The following CNTN5 variants were observed in gnomAD, a reference collection of about 807,000 sequenced individuals.
CNTN5 encodes the protein contactin 5.
Under a neutral mutation model 129.1 loss-of-function variants are expected in CNTN5, and 77 were observed. The ratio of observed to expected loss-of-function variants is 0.60; its 90% CI spans 0.50 to 0.72. The LOEUF (loss-of-function observed/expected upper bound fraction) is 0.72, where lower values mean the gene tolerates loss of function less well. Among genes scored for constraint, CNTN5 ranks in the 30% least tolerant of loss-of-function variants. The pLI is 0.00. For missense variants in CNTN5, 1,478 were observed against 1,328.8 expected (o/e 1.11, Z -1.75); for synonymous variants, 509 against 465.6 (o/e 1.09, Z -1.20).
chr11:99,119,773 T>A (rs964585356), intron 1 of CNTN5, among the ~76,000 whole-genome samples: 2 of 152,108 alleles, frequency 1.3e-5, no homozygotes, highest in African/African-American at 4.8e-5. Flanking sequence ...TAGCATTATT[T>A]TTCTCCACAA....
intron 1 of CNTN5, among the ~76,000 whole-genome samples, chr11:99,199,832 C>T (rs12795901): frequency 0.14 from 21,887 of 152,106 alleles, 2,010 homozygotes; most frequent in Non-Finnish European, 0.21. Flanking sequence ...GATGTGGATT[C>T]GGGGAGAGGT....
At chr11:99,311,598 C>A (rs570934606) in intron 1 of CNTN5, among the ~76,000 whole-genome samples, 1 of 152,232 alleles carries the variant, frequency 6.6e-6, no homozygotes, top group African/African-American at 2.4e-5. Flanking sequence ...GTTATTAAAC[C>A]AAATGCTCTT....
chr11:99,996,298 T>A (rs1939439967), intron 8 of CNTN5, among the ~76,000 whole-genome samples: 1 of 152,212 alleles, frequency 6.6e-6, no homozygotes, highest in South Asian at 2.1e-4. Flanking sequence ...TATTTGTCTC[T>A]GCTCCAGTTT....
intron 2 of CNTN5, among the ~76,000 whole-genome samples, chr11:99,350,552 A>T (rs1019254663): frequency 1.3e-5 from 2 of 152,202 alleles, no homozygotes; most frequent in Non-Finnish European, 2.9e-5. Flanking sequence ...AACTAGGAAG[A>T]GTCCTGCTGT....
At chr11:99,631,122 C>G (rs1013390275) in intron 3 of CNTN5, among the ~76,000 whole-genome samples, 1 of 152,136 alleles carries the variant, frequency 6.6e-6, no homozygotes, top group Non-Finnish European at 1.5e-5. Context: ...AAGAATCACA[C>G]TGAGTGCTTT....
intron 9 of CNTN5, among the ~76,000 whole-genome samples, chr11:100,060,460 T>A (rs1943418044): frequency 6.6e-6 from 1 of 152,002 alleles, no homozygotes. Context: ...AAGTGGGAGA[T>A]TATGTGTAAA....
intron 2 of CNTN5, among the ~76,000 whole-genome samples, chr11:99,472,780 T>C (rs112611582): frequency 6.6e-6 from 1 of 152,228 alleles, no homozygotes; most frequent in African/African-American, 2.4e-5. Flanking sequence ...GCGATTCTTA[T>C]TCCTCACCCT....
intron 3 of CNTN5, among the ~76,000 whole-genome samples, chr11:99,580,744 A>G (rs10893532): frequency 0.91 from 128,113 of 141,146 alleles, 58,350 homozygotes; most frequent in East Asian, 1. Context: ...AGTCTTGCTA[A>G]CGGTCTATCA....
chr11:99,486,369 A>C (rs1178142450), intron 2 of CNTN5, among the ~76,000 whole-genome samples: 1 of 152,086 alleles, frequency 6.6e-6, no homozygotes, highest in Non-Finnish European at 1.5e-5. Context: ...CATACTGTGT[A>C]TTGTTTATTC....
intron 7 of CNTN5, among the ~76,000 whole-genome samples, chr11:99,920,648 A>C (rs1949913868): frequency 6.6e-6 from 1 of 152,092 alleles, no homozygotes; most frequent in South Asian, 2.1e-4. Flanking sequence ...ACCATCAGTA[A>C]TTTTACTGGT....
In CNTN5 at chr11:100,356,496, G is replaced by A. The variant is rs201513399; in HGVS notation, c.*276G>A. ...TAAACAAAGGTAATTTCTGTCAAAT[G>A]TATTCTTTACTTTTTTAATATGTTG... On this transcript the variant is annotated 3_prime_UTR_variant, in exon 25 of 25. Transcript: ENST00000524871. The A allele has an allele frequency of 3.3e-5, 14 of 423,488 alleles. No individual in the cohort carries two copies. Among genetic ancestry groups the A allele is most frequent in the Non-Finnish European group, 4.6e-5 (11 of 237,632 alleles). The allele number at this position is 423,488 out of a possible 1,614,324, so 26.2% of individuals were successfully genotyped here.
intron 2 of CNTN5, among the ~76,000 whole-genome samples, chr11:99,407,345 T>C (rs190190968): frequency 1.3e-5 from 2 of 152,120 alleles, no homozygotes; most frequent in African/African-American, 4.8e-5. Context: ...TCTAGAAATG[T>C]CATCTGCGAT....
At chr11:100,204,311 T>TATA (rs1948864464) in intron 15 of CNTN5, among the ~76,000 whole-genome samples, 2 of 80,386 alleles carry the variant, frequency 2.5e-5, no homozygotes, top group Non-Finnish European at 4.9e-5. Context: ...TATATATATA[T>TATA]ATATATATAT....
chr11:99,949,441 A>G (rs1950623903), intron 7 of CNTN5, among the ~76,000 whole-genome samples: 1 of 152,120 alleles, frequency 6.6e-6, no homozygotes, highest in Non-Finnish European at 1.5e-5. Context: ...TGGGGCACAA[A>G]TAGACTGTTG....
At chr11:99,615,569 C>CT (rs1346221021) in intron 3 of CNTN5, among the ~76,000 whole-genome samples, 27 of 152,016 alleles carry the variant, frequency 1.8e-4, no homozygotes, top group African/African-American at 5.8e-4. Context: ...TCTTTTGGGG[C>CT]TTTTTGTTTT....
intron 3 of CNTN5, among the ~76,000 whole-genome samples, chr11:99,768,445 T>C (rs1224635039): frequency 2.0e-5 from 3 of 152,122 alleles, no homozygotes; most frequent in East Asian, 1.9e-4. Context: ...AGACAGTCCA[T>C]ATTCAGATGT....
chr11:99,847,995 G>A (rs1169622898), intron 6 of CNTN5, among the ~76,000 whole-genome samples: 1 of 152,182 alleles, frequency 6.6e-6, no homozygotes, highest in Non-Finnish European at 1.5e-5. Flanking sequence ...GGCGGATCAC[G>A]AGTTCAGGAG....
At chr11:99,820,293 A>G (rs1946756786) in intron 4 of CNTN5, among the ~76,000 whole-genome samples, 1 of 152,310 alleles carries the variant, frequency 6.6e-6, no homozygotes, top group African/African-American at 2.4e-5. Flanking sequence ...CCAATTTGAC[A>G]GTGAATATCG....
chr11:100,098,205 A>G (rs1040325029), intron 13 of CNTN5, among the ~76,000 whole-genome samples: 4 of 152,104 alleles, frequency 2.6e-5, no homozygotes, highest in African/African-American at 9.7e-5. Flanking sequence ...ATAGCTATGT[A>G]TAAGCAAAAA....
Sources: gnomAD v4.1 joint callset for allele counts (sites outside exome capture counted in the v4.1 genomes callset) on GRCh38, gnomAD v4.1.1 for gene constraint, MANE v1.5 for transcripts, NCBI Gene and HGNC (gene_info 2026-07-23, HGNC 2026-07-21) for gene names.